RTN4: variants seen among roughly 807,000 people sequenced by gnomAD.
RTN4 encodes reticulon 4.
Under a neutral mutation model 90.4 loss-of-function variants are expected in RTN4, and 32 were observed. The observed-to-expected ratio is 0.35, with a 90% CI of 0.27 to 0.48. RTN4 has a LOEUF of 0.48. Ranked by LOEUF, RTN4 falls within the 20% of genes least tolerant of loss-of-function variation. RTN4 has a pLI of 0.99. For missense variants in RTN4, 1,706 were observed against 1,430.2 expected (o/e 1.19, Z -3.11); for synonymous variants, 629 against 552.5 (o/e 1.14, Z -1.94).
At chr2:55,113,027 G>T (rs1360459704), upstream of RTN4, among the ~76,000 whole-genome samples, 1 of 152,212 alleles carries the variant, frequency 6.6e-6, no homozygotes, top group Non-Finnish European at 1.5e-5. Context: ...GAGCTCAGTG[G>T]ATGGTCCATA....
chr2:55,105,149 C>T (rs543381439), intron 1 of RTN4, among the ~76,000 whole-genome samples: 33 of 151,086 alleles, frequency 2.2e-4, no homozygotes, highest in Admixed American at 9.2e-4. Flanking sequence ...CTTATGTGAA[C>T]TTTTTCACAT....
chr2:55,014,938 T>G (rs1680922121), intron 3 of RTN4, among the ~76,000 whole-genome samples: 1 of 152,226 alleles, frequency 6.6e-6, no homozygotes, highest in South Asian at 2.1e-4. Flanking sequence ...TAAGGTCATT[T>G]CATAATGTTT....
At chr2:55,039,446 A>C (rs1393560986) in intron 1 of RTN4, among the ~76,000 whole-genome samples, 3 of 152,158 alleles carry the variant, frequency 2.0e-5, no homozygotes, top group African/African-American at 7.2e-5. Flanking sequence ...TTCTAACTGT[A>C]AAAATAAAAA....
chr2:54,982,087 G>C (rs928877775), intron 5 of RTN4, among the ~76,000 whole-genome samples: 11 of 151,984 alleles, frequency 7.2e-5, no homozygotes, highest in African/African-American at 2.7e-4. Flanking sequence ...TTCCTGAGTA[G>C]CTGGGATTAC....
the RTN4 span, among the ~76,000 whole-genome samples, chr2:55,130,642 T>A: frequency 1.3e-5 from 2 of 152,092 alleles, no homozygotes; most frequent in African/African-American, 4.8e-5. Flanking sequence ...TTTCAGCTAC[T>A]TGGGAGGCTG....
chr2:55,096,124 C>T (rs1353523950), intron 1 of RTN4, among the ~76,000 whole-genome samples: 2 of 152,110 alleles, frequency 1.3e-5, no homozygotes, highest in African/African-American at 4.8e-5. Flanking sequence ...GACGGGAGTT[C>T]AAGCCCAACC....
chr2:55,010,268 G>C (rs1347907845), intron 3 of RTN4: 7 of 1,499,872 alleles, frequency 4.7e-6, no homozygotes, highest in Non-Finnish European at 6.2e-6. Flanking sequence ...AACTGCAGCA[G>C]GACTGAAGTC....
intron 2 of RTN4, among the ~76,000 whole-genome samples, chr2:55,077,050 T>C (rs78539852): frequency 0.093 from 13,965 of 150,912 alleles, 801 homozygotes; most frequent in South Asian, 0.19. Context: ...TGTCGCTCTG[T>C]CGTCCAGGTT....
chr2:55,137,086 A>G, the RTN4 span, among the ~76,000 whole-genome samples: 3 of 152,348 alleles, frequency 2.0e-5, no homozygotes, highest in African/African-American at 7.2e-5. Context: ...CAGGCAGAGG[A>G]GGAAGCACGC....
At chr2:55,125,304 C>T in the RTN4 span, among the ~76,000 whole-genome samples, 1 of 152,120 alleles carries the variant, frequency 6.6e-6, no homozygotes, top group Non-Finnish European at 1.5e-5. Flanking sequence ...AAGAAACTAT[C>T]AATGGTAAAC....
intron 1 of RTN4, among the ~76,000 whole-genome samples, chr2:55,045,160 A>G (rs921423074): frequency 3.9e-5 from 6 of 152,174 alleles, no homozygotes; most frequent in African/African-American, 1.4e-4. Flanking sequence ...TTAAGCCCCA[A>G]CCCATAATCT....
At chr2:55,057,455 G>T (rs1257761044) in intron 2 of RTN4, among the ~76,000 whole-genome samples, 1 of 152,186 alleles carries the variant, frequency 6.6e-6, no homozygotes, top group African/African-American at 2.4e-5. Flanking sequence ...AAAGCACCTA[G>T]CACAGAGTCA....
At chr2:54,985,699 C>G (rs1220429186) in intron 4 of RTN4, among the ~76,000 whole-genome samples, 2 of 152,138 alleles carry the variant, frequency 1.3e-5, no homozygotes, top group African/African-American at 4.8e-5. Context: ...AGAAAAATCA[C>G]CAGTCTTTAC....
chr2:55,039,411 T>C (rs1433111446), intron 1 of RTN4, among the ~76,000 whole-genome samples: 4 of 152,164 alleles, frequency 2.6e-5, no homozygotes, highest in African/African-American at 9.7e-5. Flanking sequence ...TCTATTGTAA[T>C]ATGTGGACCT....
rs372588070 is a variant in RTN4, at chr2:54,972,989, G to A, written c.*167C>T. On this transcript the variant is annotated 3_prime_UTR_variant, in exon 9 of 9. Transcript: ENST00000337526. ...AAGATGATGAACACATGGCAGTCAA[G>A]ACAGGTAATTTTTCCTCACAACAGT... 2 of 540,436 alleles carry A rather than the reference G, an allele frequency of 3.7e-6. No individual in the cohort carries two copies. The highest frequency in any genetic ancestry group is 3.1e-5 in the Admixed American group (1 of 31,876). The allele number at this position is 540,436 out of a possible 1,614,324, so 33.5% of individuals were successfully genotyped here.
At chr2:55,043,437 A>AT (rs1683204399) in intron 1 of RTN4, among the ~76,000 whole-genome samples, 1 of 152,210 alleles carries the variant, frequency 6.6e-6, no homozygotes, top group East Asian at 1.9e-4. Context: ...AGTTATTCTA[A>AT]TAAGTTGCTT....
chr2:55,028,030 CT>C (rs1682033592), intron 2 of RTN4, 133 bp downstream of exon 2: 1 of 732,256 alleles, frequency 1.4e-6, no homozygotes, highest in East Asian at 3.2e-5. Context: ...CACATTTCAA[CT>C]TTTCCAGTAG....
chr2:54,998,121 T>G (rs1460631908), intron 3 of RTN4, among the ~76,000 whole-genome samples: 1 of 151,748 alleles, frequency 6.6e-6, no homozygotes, highest in East Asian at 1.9e-4. Context: ...TTATATGAAG[T>G]GCCTTGAATA....
chr2:55,045,664 C>A (rs1683373262), intron 1 of RTN4, among the ~76,000 whole-genome samples: 2 of 151,546 alleles, frequency 1.3e-5, no homozygotes, highest in Admixed American at 6.5e-5. Context: ...TTAAAAAAAA[C>A]AATTTTGGTT....
Sources: allele counts gnomAD v4.1 joint callset (sites outside exome capture counted in the v4.1 genomes callset), GRCh38; gene constraint gnomAD v4.1.1; transcripts MANE v1.5; gene names NCBI Gene and HGNC (gene_info 2026-07-23, HGNC 2026-07-21).